The following CADPS2 variants were observed in gnomAD, a reference collection of about 807,000 sequenced individuals.
CADPS2 encodes calcium dependent secretion activator 2.
A neutral mutation model predicts 172.5 loss-of-function variants in CADPS2; 93 were observed. The observed-to-expected ratio is 0.54, with a 90% CI of 0.46 to 0.64. CADPS2 has a LOEUF of 0.64. CADPS2 is among the 30% of genes least tolerant of loss of function. The pLI, the probability that CADPS2 is intolerant of heterozygous loss-of-function variation, is 0.00. For missense variants in CADPS2, 1,420 were observed against 1,565.9 expected (o/e 0.91, Z 1.57); for synonymous variants, 546 against 555.2 (o/e 0.98, Z 0.23).
intron 20 of CADPS2, among the ~76,000 whole-genome samples, chr7:122,401,723 G>A (rs985995769): frequency 6.6e-6 from 1 of 152,108 alleles, no homozygotes; most frequent in Non-Finnish European, 1.5e-5. Flanking sequence ...CTTTAGTAGG[G>A]GAGTAGATTG....
At chr7:122,491,733 T>C (rs563079348) in intron 9 of CADPS2, among the ~76,000 whole-genome samples, 19 of 152,274 alleles carry the variant, frequency 1.2e-4, no homozygotes, top group African/African-American at 4.3e-4. Flanking sequence ...CATTAGCCTA[T>C]TAAGAAGATA....
intron 1 of CADPS2, among the ~76,000 whole-genome samples, chr7:122,833,734 T>G (rs1807361627): frequency 6.6e-6 from 1 of 152,146 alleles, no homozygotes; most frequent in Non-Finnish European, 1.5e-5. Context: ...AGAGAAGTGG[T>G]TAAGTAACAA....
intron 17 of CADPS2, among the ~76,000 whole-genome samples, chr7:122,426,423 AAG>A (rs1222483329): frequency 2.0e-5 from 3 of 150,938 alleles, no homozygotes; most frequent in African/African-American, 7.3e-5. Context: ...GGATATTTTA[AAG>A]GGCTCCTCTT....
At chr7:122,381,573 C>A (rs80131835) in intron 24 of CADPS2, among the ~76,000 whole-genome samples, 3,697 of 152,112 alleles carry the variant, frequency 0.024, 156 homozygotes, top group African/African-American at 0.084. Context: ...TTGATTCTGG[C>A]AAATCTTAAA....
chr7:122,498,986 A>C (rs966076141), intron 9 of CADPS2, among the ~76,000 whole-genome samples: 8 of 152,208 alleles, frequency 5.3e-5, no homozygotes, highest in African/African-American at 1.9e-4. Flanking sequence ...CAATTTTTAA[A>C]AATGCCAGCT....
intron 1 of CADPS2, among the ~76,000 whole-genome samples, chr7:122,835,711 A>C (rs1484381660): frequency 6.6e-6 from 1 of 152,222 alleles, no homozygotes; most frequent in Non-Finnish European, 1.5e-5. Context: ...AAATGAAATG[A>C]AGTGAGAAGT....
At chr7:122,726,204 G>A (rs1245113706) in intron 2 of CADPS2, among the ~76,000 whole-genome samples, 1 of 151,950 alleles carries the variant, frequency 6.6e-6, no homozygotes, top group Non-Finnish European at 1.5e-5. Flanking sequence ...ACAACTGTAA[G>A]GGGGACTATG....
chr7:122,633,708 C>T (rs1366351573), intron 3 of CADPS2, among the ~76,000 whole-genome samples: 4 of 152,142 alleles, frequency 2.6e-5, no homozygotes, highest in African/African-American at 9.7e-5. Context: ...CCTGATTTCT[C>T]TGGCTGGGCT....
intron 1 of CADPS2, among the ~76,000 whole-genome samples, chr7:122,866,387 C>T (rs530380888): frequency 2.8e-4 from 43 of 152,200 alleles, no homozygotes; most frequent in African/African-American, 8.9e-4. Flanking sequence ...TAAGAGGGTG[C>T]CTTAAATTCC....
At chr7:122,854,526 C>T (rs1299075053) in intron 1 of CADPS2, among the ~76,000 whole-genome samples, 1 of 152,194 alleles carries the variant, frequency 6.6e-6, no homozygotes, top group Non-Finnish European at 1.5e-5. Context: ...TCCTAATTTA[C>T]AATAGAATAT....
intron 15 of CADPS2, among the ~76,000 whole-genome samples, chr7:122,444,706 T>C (rs1244491377): frequency 6.6e-6 from 1 of 152,196 alleles, no homozygotes. Flanking sequence ...AAGTTTACTG[T>C]GGGATGTGTG....
intron 2 of CADPS2, chr7:122,697,592 G>T (rs2085314369): frequency 5.9e-6 from 3 of 508,802 alleles, no homozygotes; most frequent in Non-Finnish European, 1.0e-5. Context: ...ATTACACTTA[G>T]CAAAGGTCCA....
intron 17 of CADPS2, among the ~76,000 whole-genome samples, chr7:122,426,975 G>A (rs550092386): frequency 6.6e-6 from 1 of 152,284 alleles, no homozygotes. Flanking sequence ...TTAGAAAACA[G>A]GTGTTGAACA....
intron 3 of CADPS2, among the ~76,000 whole-genome samples, chr7:122,650,813 G>C (rs1009825438): frequency 6.6e-6 from 1 of 152,028 alleles, no homozygotes; most frequent in African/African-American, 2.4e-5. Context: ...AATTCTACCA[G>C]AGACTCAAAT....
chr7:122,406,714 GAT>G (rs1291666045), intron 20 of CADPS2, among the ~76,000 whole-genome samples: 1 of 152,176 alleles, frequency 6.6e-6, no homozygotes, highest in Non-Finnish European at 1.5e-5. Flanking sequence ...CTGTTGCATT[GAT>G]CAAAGAGAAT....
intron 25 of CADPS2, among the ~76,000 whole-genome samples, chr7:122,361,913 AAAGT>A (rs2040200711): frequency 6.6e-6 from 1 of 152,004 alleles, no homozygotes; most frequent in Non-Finnish European, 1.5e-5. Flanking sequence ...GTCTCTACTA[AAAGT>A]ACAAAATCAG....
At chr7:122,726,979 G>C (rs898793609) in intron 2 of CADPS2, among the ~76,000 whole-genome samples, 16 of 151,908 alleles carry the variant, frequency 1.1e-4, no homozygotes, top group African/African-American at 3.9e-4. Flanking sequence ...CTGTAAAATG[G>C]AATCTGTGGT....
intron 6 of CADPS2, among the ~76,000 whole-genome samples, chr7:122,605,069 A>G (rs1563833319): frequency 1.3e-5 from 2 of 152,186 alleles, no homozygotes; most frequent in Non-Finnish European, 2.9e-5. Context: ...CACAAAGGTA[A>G]GTATGTGTAT....
intron 2 of CADPS2, chr7:122,701,993 A>C: frequency 1.2e-6 from 2 of 1,613,704 alleles, no homozygotes; most frequent in Non-Finnish European, 1.7e-6. Flanking sequence ...GTCTTCATTT[A>C]GGTCTAATTC....
Sources: gnomAD v4.1 joint callset for allele counts (sites outside exome capture counted in the v4.1 genomes callset) on GRCh38, gnomAD v4.1.1 for gene constraint, MANE v1.5 for transcripts, NCBI Gene and HGNC (gene_info 2026-07-23, HGNC 2026-07-21) for gene names.